Variants in EPHA3 observed in about 807,000 individuals in gnomAD.
The protein encoded by EPHA3 is ephrin type-A receptor 3.
Under a neutral mutation model 107.1 loss-of-function variants are expected in EPHA3, and 42 were observed. That is an observed-to-expected ratio of 0.39 (90% confidence interval 0.31 to 0.51). EPHA3 has a LOEUF of 0.51. EPHA3 is among the 20% of genes least tolerant of loss of function. EPHA3 has a pLI of 0.78. For missense variants in EPHA3, 1,183 were observed against 1,211.2 expected (o/e 0.98, Z 0.35); for synonymous variants, 461 against 424.8 (o/e 1.09, Z -1.05).
At chr3:89,227,103 G>C (rs374098839) in intron 3 of EPHA3, among the ~76,000 whole-genome samples, 1 of 151,988 alleles carries the variant, frequency 6.6e-6, no homozygotes. Flanking sequence ...ATATGCAAAC[G>C]TTCAGTCAGG....
intron 5 of EPHA3, among the ~76,000 whole-genome samples, chr3:89,369,108 A>G (rs566173096): frequency 6.6e-6 from 1 of 150,638 alleles, no homozygotes; most frequent in East Asian, 2.0e-4. Flanking sequence ...TAGCAACTCA[A>G]TGACAAGAGA....
chr3:89,341,723 G>A, intron 4 of EPHA3, 32 bp from the exon 5 acceptor site: 1 of 1,518,738 alleles, frequency 6.6e-7, no homozygotes, highest in African/African-American at 1.4e-5. Flanking sequence ...ACAGAAGTGA[G>A]GCTCATTAAT....
At chr3:89,354,960 T>C (rs985547260) in intron 5 of EPHA3, among the ~76,000 whole-genome samples, 1 of 151,180 alleles carries the variant, frequency 6.6e-6, no homozygotes, top group African/African-American at 2.4e-5. Context: ...ACACAGGTGG[T>C]GTGATTTCTT....
At chr3:89,419,805 C>T (rs1009269281) in intron 11 of EPHA3, among the ~76,000 whole-genome samples, 7 of 151,452 alleles carry the variant, frequency 4.6e-5, no homozygotes, top group Admixed American at 4.6e-4. Context: ...CTTTAACCTC[C>T]TCCCACCCCC....
intron 1 of EPHA3, among the ~76,000 whole-genome samples, chr3:89,113,485 C>CAAAAAAA (rs753848304): frequency 0.033 from 1,012 of 31,082 alleles, 319 homozygotes; most frequent in East Asian, 0.11. Context: ...TTCCTTTGTA[C>CAAAAAAA]AAAAAAAAAA....
At chr3:89,382,924 A>G (rs762548183) in intron 5 of EPHA3, among the ~76,000 whole-genome samples, 1 of 152,222 alleles carries the variant, frequency 6.6e-6, no homozygotes, top group Admixed American at 6.5e-5. Flanking sequence ...CCAGTCAGTG[A>G]GGCCTCAGAT....
At chr3:89,111,994 C>A (rs1707120835) in intron 1 of EPHA3, among the ~76,000 whole-genome samples, 1 of 151,898 alleles carries the variant, frequency 6.6e-6, no homozygotes, top group Non-Finnish European at 1.5e-5. Context: ...ATTATTGTTA[C>A]TGTAGTTGAT....
At chr3:89,191,824 A>C (rs958550454) in intron 2 of EPHA3, among the ~76,000 whole-genome samples, 2 of 152,298 alleles carry the variant, frequency 1.3e-5, no homozygotes, top group Middle Eastern at 3.4e-3. Context: ...ACCGGTCCAG[A>C]AATGTTAACA....
rs370360953 is a variant in EPHA3, at chr3:89,391,173, G to C, written c.1307-4664G>C. The stretch of plus-strand genomic sequence containing the variant: ...ATCTGTCTAGTCCTATGTCATGATC[G>C]AAGAAACATTTGAAAGAAGAATAGA... On this transcript the variant is annotated intron_variant, in intron 5 of 16. Coordinates refer to ENST00000336596, the MANE Select transcript of EPHA3 (RefSeq NM_005233.6). Among the ~76,000 whole-genome samples, 21 of 151,984 alleles carry C rather than the reference G, an allele frequency of 1.4e-4. No individual in the cohort carries two copies. In the South Asian group the frequency reaches 3.1e-3, roughly 23 times the overall value.
At chr3:89,406,594 T>G (rs1037555654) in intron 7 of EPHA3, among the ~76,000 whole-genome samples, 1 of 152,230 alleles carries the variant, frequency 6.6e-6, no homozygotes, top group Non-Finnish European at 1.5e-5. Flanking sequence ...TTCCTAGATT[T>G]AGAATTTTCA....
intron 2 of EPHA3, among the ~76,000 whole-genome samples, chr3:89,128,315 A>G (rs1704134840): frequency 6.6e-6 from 1 of 152,242 alleles, no homozygotes; most frequent in African/African-American, 2.4e-5. Flanking sequence ...CTTTGACAAT[A>G]TGCCAAAACC....
chr3:89,398,746 G>T (rs1178726213), intron 6 of EPHA3, among the ~76,000 whole-genome samples: 1 of 152,134 alleles, frequency 6.6e-6, no homozygotes, highest in Non-Finnish European at 1.5e-5. Flanking sequence ...TTACTGGTTA[G>T]AATAAAGCCA....
chr3:89,425,402 C>T (rs1376828498), intron 11 of EPHA3, among the ~76,000 whole-genome samples: 2 of 123,446 alleles, frequency 1.6e-5, no homozygotes, highest in African/African-American at 3.5e-5. Flanking sequence ...TTCCATCTCC[C>T]GTTTTTTTTT....
chr3:89,203,682 C>G (rs1289329739), intron 2 of EPHA3, among the ~76,000 whole-genome samples: 1 of 152,114 alleles, frequency 6.6e-6, no homozygotes, highest in South Asian at 2.1e-4. Flanking sequence ...GAGGCTGAGG[C>G]AGGAGAATGG....
At chr3:89,116,763 G>T (rs913833021) in intron 1 of EPHA3, among the ~76,000 whole-genome samples, 5 of 145,694 alleles carry the variant, frequency 3.4e-5, no homozygotes, top group Non-Finnish European at 7.5e-5. Context: ...GTTAACCAAA[G>T]AGTTAGCCAT....
intron 3 of EPHA3, among the ~76,000 whole-genome samples, chr3:89,298,952 G>T (rs1245224665): frequency 1.3e-5 from 2 of 152,006 alleles, no homozygotes; most frequent in Non-Finnish European, 2.9e-5. Context: ...TTGATAGCTG[G>T]TATGGAATAT....
chr3:89,385,169 T>G (rs774896345), intron 5 of EPHA3, among the ~76,000 whole-genome samples: 6 of 152,268 alleles, frequency 3.9e-5, no homozygotes, highest in Admixed American at 1.3e-4. Context: ...ATTTGCTCTA[T>G]ATGTATTATT....
intron 5 of EPHA3, among the ~76,000 whole-genome samples, chr3:89,395,348 A>G (rs1419896182): frequency 6.6e-6 from 1 of 152,196 alleles, no homozygotes; most frequent in East Asian, 1.9e-4. Flanking sequence ...ACTAAATATT[A>G]TTATTACCTA....
chr3:89,177,659 G>A (rs1277545860), intron 2 of EPHA3, among the ~76,000 whole-genome samples: 1 of 152,172 alleles, frequency 6.6e-6, no homozygotes, highest in Non-Finnish European at 1.5e-5. Flanking sequence ...AAATGTGAAG[G>A]ATAGCAAATC....
Sources: allele counts gnomAD v4.1 joint callset (sites outside exome capture counted in the v4.1 genomes callset), GRCh38; gene constraint gnomAD v4.1.1; transcripts MANE v1.5; gene names NCBI Gene and HGNC (gene_info 2026-07-23, HGNC 2026-07-21).